The following CELSR1 variants were observed in gnomAD, a reference collection of about 807,000 sequenced individuals.
CELSR1 encodes adhesion G protein-coupled receptor C1.
A neutral mutation model predicts 249.1 loss-of-function variants in CELSR1; 110 were observed. That is an observed-to-expected ratio of 0.44 (90% CI 0.38 to 0.52). CELSR1 has a LOEUF of 0.52. Ranked by LOEUF, CELSR1 falls within the 20% of genes least tolerant of loss-of-function variation. The pLI is 0.00. For synonymous variants in CELSR1, 2,113 were observed against 1,900.0 expected (o/e 1.11, Z -2.92); for missense variants, 4,109 against 4,296.4 (o/e 0.96, Z 1.22).
At position 46,430,256 on chromosome 22, in the gene CELSR1, AG is replaced by A. The variant is rs1398172105; in HGVS notation, c.4611+3136del. Reference sequence around the variant, plus strand: ...CCGCACCAATGCTTCCACCCTCTCCAGACTGCTGTATGCTGAATTTTTTCAA... The same window carrying A: ...CCGCACCAATGCTTCCACCCTCTCCAACTGCTGTATGCTGAATTTTTTCAA... On this transcript the variant is annotated intron_variant, in intron 5 of 34. Transcript: ENST00000674500. The surrounding 1 kb of genome is among the most constrained non-coding windows in gnomAD (Gnocchi z 4.6). Among the ~76,000 whole-genome samples the A allele has an allele frequency of 1.3e-5, 2 of 152,350 alleles. No homozygotes were observed. The highest frequency in any genetic ancestry group is 6.5e-5 in the Admixed American group (1 of 15,306).
At chr22:46,385,482 C>T (rs564268504) in intron 19 of CELSR1, among the ~76,000 whole-genome samples, 61 of 152,196 alleles carry the variant, frequency 4.0e-4, no homozygotes, top group African/African-American at 1.3e-3. Context: ...TGGAGTGAGG[C>T]GGGGTCCTCG....
At position 46,423,379 on chromosome 22, in the gene CELSR1, G is replaced by C. The variant is rs943380691; in HGVS notation, c.4611+10014C>G. Among the ~76,000 whole-genome samples the C allele has an allele frequency of 4.0e-5, 6 of 150,050 alleles. No homozygotes were observed. Among genetic ancestry groups the C allele is most frequent in the African/African-American group, 1.5e-4 (6 of 40,698 alleles). On this transcript the variant is annotated intron_variant, in intron 5 of 34. Coordinates refer to ENST00000674500, the MANE Select transcript of CELSR1 (RefSeq NM_001378328.1). The surrounding 1 kb of genome is among the most constrained non-coding windows in gnomAD (Gnocchi z 5.6). ...ATCCCAGCACTTTGGGAGGCCGAGG[G>C]GGGCAGATCACCTGAGGTCAGGAGT...
chr22:46,443,535 G>A (rs1211719956), intron 2 of CELSR1, among the ~76,000 whole-genome samples: 2 of 152,206 alleles, frequency 1.3e-5, no homozygotes, highest in Admixed American at 6.5e-5. Flanking sequence ...GCTGCACCCC[G>A]CCGCCCTGCA....
intron 2 of CELSR1, among the ~76,000 whole-genome samples, chr22:46,460,949 G>A (rs11912754): frequency 0.16 from 23,722 of 152,100 alleles, 2,296 homozygotes; most frequent in East Asian, 0.29. Flanking sequence ...CCTTCATCCA[G>A]CTCCTGCTGT....
At chr22:46,366,920 G>C (rs993152745) in intron 29 of CELSR1, 73 bp downstream of exon 29, 1 of 1,529,810 alleles carries the variant, frequency 6.5e-7, no homozygotes, top group Non-Finnish European at 8.8e-7. Context: ...TGGGGCTGAG[G>C]CTCGATCACC....
intron 20 of CELSR1, among the ~76,000 whole-genome samples, chr22:46,384,042 C>T (rs188946714): frequency 6.6e-6 from 1 of 152,004 alleles, no homozygotes. Context: ...TCAAGCAATT[C>T]TCATGCCTCA....
At chr22:46,462,205 C>T (rs2080037296) in intron 2 of CELSR1, among the ~76,000 whole-genome samples, 1 of 152,214 alleles carries the variant, frequency 6.6e-6, no homozygotes, top group Non-Finnish European at 1.5e-5. Context: ...GCCCCAGACC[C>T]AGACGGCACC....
Position 46,537,074 on chromosome 22 carries a change from G to A in CELSR1, c.97C>T (p.Pro33Ser), listed in dbSNP as rs2080866888. 9.5e-7 allele frequency: 1 copy of A among 1,055,070 alleles called. No individual in the cohort carries two copies. Among genetic ancestry groups the A allele is most frequent in the Non-Finnish European group, 1.1e-6 (1 of 877,780 alleles). 65.4% of individuals were successfully genotyped at this position (1,055,070 alleles called of 1,614,324 possible). The change falls in exon 1 of 35, where the codon CCG becomes TCG. Residue 33 changes from proline (P) to serine (S), a missense_variant. Around this residue, in one of 7 missense-constraint regions of CELSR1, gnomAD observed 673 missense variants for 636.8 expected, o/e 1.06. Transcript: ENST00000674500. This position sits in a 1 kb window ranked among gnomAD's most constrained non-coding sequence, Gnocchi z 5.8. ...GCGCGGGTCCCGCCGGGTACGCGCG[G>A]CTCCCAGGCGGCCGCTCGCAGCCCC... ...AMGLRAAAWE[P>S]RVPGGTRAFA...
intron 9 of CELSR1, among the ~76,000 whole-genome samples, chr22:46,404,923 C>T (rs775238931): frequency 2.0e-5 from 3 of 152,030 alleles, no homozygotes; most frequent in Admixed American, 6.6e-5. Context: ...CTCCTGAGTT[C>T]GAGTGATTCT....
At chr22:46,474,185 G>A (rs1256633610) in intron 1 of CELSR1, among the ~76,000 whole-genome samples, 1 of 152,192 alleles carries the variant, frequency 6.6e-6, no homozygotes, top group Admixed American at 6.5e-5. Flanking sequence ...GCTCTGCCCG[G>A]GGGCAGGGCT....
chr22:46,461,443 TC>T (rs1173238197), intron 2 of CELSR1, among the ~76,000 whole-genome samples: 1 of 152,018 alleles, frequency 6.6e-6, no homozygotes, highest in Non-Finnish European at 1.5e-5. Context: ...GGCCCAGGGG[TC>T]CCCAGGGGCC....
At position 46,437,645 on chromosome 22, in the gene CELSR1, A is replaced by G. The variant is rs1366971720; in HGVS notation, c.4407-1356T>C. Among the ~76,000 whole-genome samples the G allele has an allele frequency of 6.6e-6, 1 of 151,772 alleles. No individual in the cohort carries two copies. The highest frequency in any genetic ancestry group is 1.5e-5 in the Non-Finnish European group (1 of 67,954). ...GGGCACCTGTAATCCCAGCTACTCA[A>G]GAGGTTGAGGCAGGAGAATTGCTTG... On this transcript the variant is annotated intron_variant, in intron 3 of 34. Coordinates refer to ENST00000674500, the MANE Select transcript of CELSR1 (RefSeq NM_001378328.1). The surrounding 1 kb of genome is among the most constrained non-coding windows in gnomAD (Gnocchi z 4.9).
intron 1 of CELSR1, among the ~76,000 whole-genome samples, chr22:46,493,743 G>A (rs189511753): frequency 1.3e-5 from 2 of 152,042 alleles, no homozygotes; most frequent in Non-Finnish European, 2.9e-5. Flanking sequence ...GAGATCTGAC[G>A]TTTTTATAGA....
Position 46,365,352 on chromosome 22 carries a change from C to T in CELSR1, c.8433G>A (p.Leu2811=), listed in dbSNP as rs2078756622. 4.3e-6 allele frequency: 7 copies of T among 1,612,970 alleles called. No homozygotes were observed. Among genetic ancestry groups the T allele is most frequent in the Non-Finnish European group, 5.9e-6 (7 of 1,179,958 alleles). Residue 2811 remains leucine (L), a synonymous_variant, in exon 32 of 35, where the codon CTG becomes CTA. Coordinates refer to ENST00000674500, the MANE Select transcript of CELSR1 (RefSeq NM_001378328.1). The part of the protein sequence containing the change: ...PGHDSDSDSE[L]SLDEQSSSYA... ...AAGAGCTGCTCTGCTCATCCAGGGA[C>T]AGCTCGCTATCTGAGTCGGAATCGT...
intron 1 of CELSR1, among the ~76,000 whole-genome samples, chr22:46,530,126 A>C (rs1411007448): frequency 1.3e-5 from 2 of 151,818 alleles, no homozygotes; most frequent in Non-Finnish European, 2.9e-5. Flanking sequence ...ACTGAATAAC[A>C]TAGTGAGACC....
intron 1 of CELSR1, among the ~76,000 whole-genome samples, chr22:46,532,490 T>C (rs1426108139): frequency 6.6e-6 from 1 of 152,242 alleles, no homozygotes; most frequent in African/African-American, 2.4e-5. Flanking sequence ...CAACCCTTCC[T>C]ATATTACAGA....
At chr22:46,367,945 T>G (rs2078806096) in intron 27 of CELSR1, 90 bp from the exon 28 acceptor site, 1 of 1,474,128 alleles carries the variant, frequency 6.8e-7, no homozygotes. Flanking sequence ...TCCACCTGCC[T>G]GCCCGTCCGC....
intron 5 of CELSR1, among the ~76,000 whole-genome samples, chr22:46,415,693 G>A (rs2079391813): frequency 6.6e-6 from 1 of 151,968 alleles, no homozygotes; most frequent in Non-Finnish European, 1.5e-5. Flanking sequence ...TCCACCTGAA[G>A]AACTTTCGGG....
At chr22:46,403,971 C>CAAAAAAAAAAA (rs756055741) in intron 9 of CELSR1, among the ~76,000 whole-genome samples, 2 of 48,414 alleles carry the variant, frequency 4.1e-5, no homozygotes, top group African/African-American at 6.5e-5. Flanking sequence ...AACTCCGTCT[C>CAAAAAAAAAAA]AAAAAAAAAA....
Sources: allele counts gnomAD v4.1 joint callset (sites outside exome capture counted in the v4.1 genomes callset), GRCh38; gene constraint gnomAD v4.1.1; regional missense constraint gnomAD v4.1.1; non-coding constraint Gnocchi (gnomAD v3.1); transcripts MANE v1.5; gene names NCBI Gene and HGNC (gene_info 2026-07-23, HGNC 2026-07-21).